Variants in SLC36A1 observed in about 807,000 individuals in gnomAD.
SLC36A1 encodes solute carrier family 36 member 1.
A neutral mutation model predicts 47.5 loss-of-function variants in SLC36A1; 30 were observed. That is an observed-to-expected ratio of 0.63 (90% CI 0.47 to 0.86). The LOEUF is 0.86. Among genes scored for constraint, SLC36A1 ranks in the 40% least tolerant of loss-of-function variants. The probability of loss-of-function intolerance (pLI) is 0.00; values close to 1 mark genes in which losing one functional copy is unlikely to be tolerated. For synonymous variants in SLC36A1, 255 were observed against 249.7 expected (o/e 1.02, Z -0.20); for missense variants, 517 against 606.0 (o/e 0.85, Z 1.54).
chr5:151,513,295 T>C, the SLC36A1 span, among the ~76,000 whole-genome samples: 4 of 152,208 alleles, frequency 2.6e-5, no homozygotes, highest in Non-Finnish European at 5.9e-5. Context: ...CATACACTCA[T>C]ATGTTGATTG....
Position 151,488,358 on chromosome 5 carries a change from T to C in SLC36A1, c.*104T>C, listed in dbSNP as rs1759838904. On this transcript the variant is annotated 3_prime_UTR_variant, in exon 11 of 11. Coordinates refer to ENST00000243389, the MANE Select transcript of SLC36A1 (RefSeq NM_078483.4). ...GTCCAGGCTCTGAGGAAAGTCAGGG[T>C]TGCTGTGTGGGAACCCCTCTGCCTG... 11 of 1,440,360 alleles carry C rather than the reference T, an allele frequency of 7.6e-6. No individual in the cohort carries two copies. The highest frequency in any genetic ancestry group is 9.3e-6 in the Non-Finnish European group (10 of 1,069,588). The allele number at this position is 1,440,360 out of a possible 1,614,324, so 89.2% of individuals were successfully genotyped here.
intron 3 of SLC36A1, 21 bp from the exon 4 acceptor site, chr5:151,464,493 G>A (rs1374081301): frequency 3.1e-6 from 5 of 1,604,958 alleles, no homozygotes; most frequent in Non-Finnish European, 4.3e-6. Flanking sequence ...TCTCTCTTTT[G>A]CCTGCAATAT....
chr5:151,508,733 G>T, the SLC36A1 span, among the ~76,000 whole-genome samples: 1 of 151,834 alleles, frequency 6.6e-6, no homozygotes, highest in Non-Finnish European at 1.5e-5. Flanking sequence ...AAGGACTGGG[G>T]TCATCAGCAT....
At chr5:151,486,529 A>G (rs1046850341) in intron 10 of SLC36A1, among the ~76,000 whole-genome samples, 3 of 152,238 alleles carry the variant, frequency 2.0e-5, no homozygotes, top group African/African-American at 7.2e-5. Flanking sequence ...AATGCAATCC[A>G]ATCCTTCAGC....
At chr5:151,410,517 A>T in the SLC36A1 span, among the ~76,000 whole-genome samples, 1 of 144,902 alleles carries the variant, frequency 6.9e-6, no homozygotes, top group African/African-American at 2.5e-5. Context: ...GACTTGGTGA[A>T]TAAATTATAT....
the SLC36A1 span, among the ~76,000 whole-genome samples, chr5:151,373,025 G>A: frequency 2.0e-5 from 3 of 152,134 alleles, no homozygotes; most frequent in African/African-American, 4.8e-5. Flanking sequence ...CAGCCTGGGC[G>A]ACACAGTGAG....
At chr5:151,543,934 A>C in the SLC36A1 span, 3 of 1,614,122 alleles carry the variant, frequency 1.9e-6, no homozygotes, top group Non-Finnish European at 2.5e-6. Flanking sequence ...GACTTTAAGA[A>C]CCAGGTGTCC....
chr5:151,464,473 T>C, intron 3 of SLC36A1, 41 bp from the exon 4 acceptor site: 1 of 1,552,532 alleles, frequency 6.4e-7, no homozygotes, highest in Non-Finnish European at 8.9e-7. Context: ...TAATTCTACC[T>C]ACTTTTCTCT....
the SLC36A1 span, among the ~76,000 whole-genome samples, chr5:151,516,175 T>C: frequency 1.3e-5 from 2 of 152,204 alleles, no homozygotes; most frequent in East Asian, 3.8e-4. Context: ...TCAATTATTA[T>C]CTCAATGAAA....
intron 10 of SLC36A1, among the ~76,000 whole-genome samples, chr5:151,487,445 A>G (rs1004091695): frequency 6.6e-6 from 1 of 152,212 alleles, no homozygotes; most frequent in African/African-American, 2.4e-5. Context: ...CAGCCTGCAG[A>G]TAGAACTGCT....
intron 10 of SLC36A1, among the ~76,000 whole-genome samples, chr5:151,482,766 T>C (rs1028773842): frequency 6.6e-6 from 1 of 152,244 alleles, no homozygotes; most frequent in African/African-American, 2.4e-5. Flanking sequence ...TTTAAATTTA[T>C]ACCCCCACTA....
the SLC36A1 span, among the ~76,000 whole-genome samples, chr5:151,361,268 T>G: frequency 2.0e-5 from 3 of 152,178 alleles, no homozygotes; most frequent in African/African-American, 7.2e-5. Flanking sequence ...GCTGAATTCA[T>G]TTTCACAATG....
the SLC36A1 span, chr5:151,414,537 G>C: frequency 6.6e-6 from 1 of 152,144 alleles, no homozygotes; most frequent in East Asian, 1.9e-4. Context: ...TTCATCTGTC[G>C]TTGCTCAGAG....
chr5:151,426,563 T>A, the SLC36A1 span, among the ~76,000 whole-genome samples: 2 of 152,162 alleles, frequency 1.3e-5, no homozygotes, highest in African/African-American at 4.8e-5. Flanking sequence ...CCTCCAGCCA[T>A]AAGGCAGTTT....
the SLC36A1 span, among the ~76,000 whole-genome samples, chr5:151,515,007 C>T: frequency 6.6e-6 from 1 of 152,170 alleles, no homozygotes; most frequent in African/African-American, 2.4e-5. Context: ...TTGTCTTCAC[C>T]TCAGTTTTCC....
the SLC36A1 span, among the ~76,000 whole-genome samples, chr5:151,402,943 T>G: frequency 6.6e-6 from 1 of 152,202 alleles, no homozygotes; most frequent in Non-Finnish European, 1.5e-5. Context: ...TGTTTATCCT[T>G]TCAAAAAATC....
chr5:151,355,760 A>G, the SLC36A1 span, among the ~76,000 whole-genome samples: 1 of 152,226 alleles, frequency 6.6e-6, no homozygotes, highest in Non-Finnish European at 1.5e-5. Flanking sequence ...TTTTCAAAAA[A>G]CAAATGGAAT....
intron 1 of SLC36A1, among the ~76,000 whole-genome samples, chr5:151,441,521 A>G (rs1167801081): frequency 6.6e-6 from 1 of 152,200 alleles, no homozygotes; most frequent in Non-Finnish European, 1.5e-5. Context: ...GCAAAACAAT[A>G]AGTACTGGTA....
chr5:151,507,415 G>A, the SLC36A1 span: 1 of 1,614,200 alleles, frequency 6.2e-7, no homozygotes, highest in East Asian at 2.2e-5. Flanking sequence ...CTGGCCAGGA[G>A]GTCTGGGTCC....
Sources: gnomAD v4.1 joint callset for allele counts (sites outside exome capture counted in the v4.1 genomes callset) on GRCh38, gnomAD v4.1.1 for gene constraint, MANE v1.5 for transcripts, NCBI Gene and HGNC (gene_info 2026-07-23, HGNC 2026-07-21) for gene names.